EXOC4: variants seen among roughly 807,000 people sequenced by gnomAD.
EXOC4 encodes the protein exocyst complex component 4, also known as SEC8-like 1.
In EXOC4, 71 loss-of-function variants were observed where a neutral mutation model predicts 107.2. The ratio of observed to expected loss-of-function variants is 0.66; its 90% CI spans 0.55 to 0.81. The LOEUF (loss-of-function observed/expected upper bound fraction) is 0.81. EXOC4 is among the 30% of genes least tolerant of loss of function. The pLI, the probability that EXOC4 is intolerant of heterozygous loss-of-function variation, is 0.00. For missense variants in EXOC4, 1,108 were observed against 1,189.6 expected, an observed-to-expected ratio of 0.93 and a Z score of 1.01; for synonymous variants, 456 against 441.2, an observed-to-expected ratio of 1.03 and a Z score of -0.42.
intron 6 of EXOC4, among the ~76,000 whole-genome samples, chr7:133,373,667 C>G (rs949342807): frequency 1.3e-5 from 2 of 152,182 alleles, no homozygotes; most frequent in Non-Finnish European, 2.9e-5. Context: ...CTTTCCTTTT[C>G]AACTTTCCAA....
intron 9 of EXOC4, among the ~76,000 whole-genome samples, chr7:133,481,772 C>G (rs761025831): frequency 7.2e-5 from 11 of 151,960 alleles, no homozygotes; most frequent in Non-Finnish European, 1.3e-4. Context: ...ATGTGCATGT[C>G]GAGAGTCTTG....
intron 5 of EXOC4, among the ~76,000 whole-genome samples, chr7:133,342,293 G>A (rs1795680779): frequency 6.6e-6 from 1 of 152,074 alleles, no homozygotes; most frequent in Non-Finnish European, 1.5e-5. Flanking sequence ...CTTCATTTAT[G>A]AAGCTTAGTT....
intron 10 of EXOC4, among the ~76,000 whole-genome samples, chr7:133,706,617 A>G (rs564542705): frequency 5.7e-4 from 87 of 152,382 alleles, no homozygotes; most frequent in African/African-American, 2.0e-3. Context: ...CCAAAATACT[A>G]TCTCTTCAAT....
At chr7:133,848,544 A>G (rs1361647023) in intron 11 of EXOC4, among the ~76,000 whole-genome samples, 4 of 152,248 alleles carry the variant, frequency 2.6e-5, no homozygotes, top group Non-Finnish European at 5.9e-5. Context: ...TATATTCTGT[A>G]TAACACAGAC....
chr7:133,599,611 A>G (rs1187703846), intron 9 of EXOC4, among the ~76,000 whole-genome samples: 3 of 152,226 alleles, frequency 2.0e-5, no homozygotes, highest in Non-Finnish European at 4.4e-5. Context: ...TCAGACAATA[A>G]TTTCCATAGC....
At chr7:133,567,973 C>T (rs1800940707) in intron 9 of EXOC4, among the ~76,000 whole-genome samples, 1 of 152,222 alleles carries the variant, frequency 6.6e-6, no homozygotes, top group Non-Finnish European at 1.5e-5. Flanking sequence ...CATTGCCATA[C>T]TGCCCACCAT....
At chr7:133,922,651 T>C (rs1438138059) in intron 13 of EXOC4, among the ~76,000 whole-genome samples, 3 of 152,016 alleles carry the variant, frequency 2.0e-5, no homozygotes, top group Admixed American at 1.3e-4. Context: ...ATCGAGACCA[T>C]CTTGCCTAAC....
chr7:134,007,222 C>T (rs1352928613), intron 16 of EXOC4, among the ~76,000 whole-genome samples: 1 of 152,112 alleles, frequency 6.6e-6, no homozygotes, highest in Non-Finnish European at 1.5e-5. Context: ...TATGTAGCTT[C>T]CCAATCAACT....
At chr7:134,086,437 T>A in the EXOC4 span, among the ~76,000 whole-genome samples, 1 of 152,222 alleles carries the variant, frequency 6.6e-6, no homozygotes, top group South Asian at 2.1e-4. Context: ...GCATAAAGTA[T>A]GTAGGGGAGC....
intron 11 of EXOC4, among the ~76,000 whole-genome samples, chr7:133,841,344 T>A (rs1010836982): frequency 2.0e-5 from 3 of 152,182 alleles, no homozygotes; most frequent in Non-Finnish European, 4.4e-5. Flanking sequence ...ACACTGAAGA[T>A]GTGAAGGGTG....
At position 133,787,955 on chromosome 7, in the gene EXOC4, T is replaced by TTTTATATATATATATA. The variant is rs774395151; in HGVS notation, c.1515-29369_1515-29368insTTATATATATATATAT. ...AGATACTTCTTCCCTGTGCATATATTTATATATTTATATATATATATATAT... is the reference window on the plus strand; with the variant it reads ...AGATACTTCTTCCCTGTGCATATATTTTTATATATATATATATATATATTTATATATATATATATAT... On this transcript the variant is annotated intron_variant, in intron 10 of 17. Coordinates refer to ENST00000253861, the MANE Select transcript of EXOC4 (RefSeq NM_021807.4). Among the ~76,000 whole-genome samples the TTTTATATATATATATA allele has an allele frequency of 6.3e-4, 20 of 31,640 alleles. 5 individuals are homozygous for TTTTATATATATATATA. Among genetic ancestry groups the TTTTATATATATATATA allele is most frequent in the Admixed American group, 3.0e-3 (6 of 1,998 alleles). The allele number at this position is 31,640 out of a possible 152,430, so 20.8% of individuals were successfully genotyped here.
At chr7:133,937,839 C>G (rs1800339298) in intron 13 of EXOC4, 52 bp from the exon 14 acceptor site, 1 of 1,584,850 alleles carries the variant, frequency 6.3e-7, no homozygotes, top group Non-Finnish European at 8.6e-7. Flanking sequence ...GTTGCCCGGT[C>G]CTACCTTTTC....
chr7:133,477,507 G>C (rs1356507047), intron 8 of EXOC4, among the ~76,000 whole-genome samples: 2 of 152,116 alleles, frequency 1.3e-5, no homozygotes, highest in Admixed American at 1.3e-4. Flanking sequence ...GTATTGCTGA[G>C]TAACATTCCT....
chr7:134,066,885 G>A (rs1227024340), downstream of EXOC4, among the ~76,000 whole-genome samples: 1 of 152,076 alleles, frequency 6.6e-6, no homozygotes, highest in Non-Finnish European at 1.5e-5. Context: ...AGGCATGGTG[G>A]CTCACACCTG....
intron 10 of EXOC4, among the ~76,000 whole-genome samples, chr7:133,793,621 G>A (rs1440937564): frequency 1.3e-5 from 2 of 152,160 alleles, no homozygotes; most frequent in African/African-American, 4.8e-5. Flanking sequence ...AAGGTGGACG[G>A]ATCACCTGAG....
intron 14 of EXOC4, among the ~76,000 whole-genome samples, chr7:133,996,813 A>G (rs537490633): frequency 5.3e-5 from 8 of 152,294 alleles, no homozygotes; most frequent in African/African-American, 1.9e-4. Flanking sequence ...ATGTTTTGGT[A>G]GGTAAATTTT....
rs1796320425 is a variant in EXOC4, at chr7:133,369,638, C to A, written c.1008-5190C>A. On this transcript the variant is annotated intron_variant, in intron 6 of 17. Coordinates refer to ENST00000253861, the MANE Select transcript of EXOC4 (RefSeq NM_021807.4). ...TGCTTTTCTTATTCTGCATATTATC[C>A]CCGAGTGATCTCATCTCCTCAAATA... Among the ~76,000 whole-genome samples the A allele has an allele frequency of 3.3e-5, 5 of 151,998 alleles. No individual in the cohort carries two copies. The South Asian group carries it at 1.0e-3, about 32-fold the overall frequency.
At chr7:133,651,917 T>C (rs1803165256) in intron 10 of EXOC4, among the ~76,000 whole-genome samples, 1 of 152,126 alleles carries the variant, frequency 6.6e-6, no homozygotes, top group South Asian at 2.1e-4. Flanking sequence ...TGACCTCAGG[T>C]GATCTGCCTG....
chr7:133,839,423 A>C (rs1170132593), intron 11 of EXOC4, among the ~76,000 whole-genome samples: 1 of 152,238 alleles, frequency 6.6e-6, no homozygotes, highest in Non-Finnish European at 1.5e-5. Context: ...CTGTAATGAG[A>C]TAATGACAGT....
Sources: gnomAD v4.1 joint callset for allele counts (sites outside exome capture counted in the v4.1 genomes callset) on GRCh38, gnomAD v4.1.1 for gene constraint, MANE v1.5 for transcripts, NCBI Gene and HGNC (gene_info 2026-07-23, HGNC 2026-07-21) for gene names.